Variants in JAKMIP2 observed in about 807,000 individuals in gnomAD.
The protein encoded by JAKMIP2 is janus kinase and microtubule-interacting protein 2.
In JAKMIP2, 25 loss-of-function variants were observed where a neutral mutation model predicts 115.0. The observed-to-expected ratio is 0.22, with a 90% confidence interval of 0.16 to 0.30. The LOEUF is 0.30. Ranked by LOEUF, JAKMIP2 falls within the 10% of genes least tolerant of loss-of-function variation. The pLI is 1.00. For synonymous variants in JAKMIP2, 334 were observed against 343.6 expected (o/e 0.97, Z 0.31); for missense variants, 642 against 957.6 (o/e 0.67, Z 4.35).
intron 1 of JAKMIP2, among the ~76,000 whole-genome samples, chr5:147,690,567 ATATATATATATATATAT>A (rs1751792513): frequency 2.8e-5 from 4 of 141,854 alleles, no homozygotes; most frequent in Non-Finnish European, 6.1e-5. Context: ...ATATATATAT[ATATATATATATATATAT>A]GCACATATGC....
chr5:147,645,097 C>T, intron 5 of JAKMIP2, 101 bp from the exon 6 acceptor site: 1 of 1,027,408 alleles, frequency 9.7e-7, no homozygotes, highest in South Asian at 1.5e-5. Context: ...ACAGCCTTGT[C>T]TCTGCTTCAC....
intron 5 of JAKMIP2, among the ~76,000 whole-genome samples, chr5:147,647,824 G>T (rs2065871628): frequency 6.6e-6 from 1 of 152,056 alleles, no homozygotes; most frequent in Non-Finnish European, 1.5e-5. Context: ...CCAGAAATGG[G>T]CATATTTTTT....
chr5:147,774,316 G>A (rs563216525), intron 1 of JAKMIP2, among the ~76,000 whole-genome samples: 1 of 152,164 alleles, frequency 6.6e-6, no homozygotes, highest in South Asian at 2.1e-4. Context: ...CCATAAGAAA[G>A]CAAGTTGAGG....
At chr5:147,607,680 T>A (rs1756098571) in intron 20 of JAKMIP2, among the ~76,000 whole-genome samples, 1 of 152,218 alleles carries the variant, frequency 6.6e-6, no homozygotes, top group Non-Finnish European at 1.5e-5. Context: ...AGAATGATGC[T>A]GGCCTCATAA....
intron 20 of JAKMIP2, among the ~76,000 whole-genome samples, chr5:147,611,346 G>A (rs539727052): frequency 1.3e-5 from 2 of 152,282 alleles, no homozygotes; most frequent in African/African-American, 4.8e-5. Context: ...TGGTCTGTGG[G>A]TTGTGAAGAC....
chr5:147,724,250 A>G (rs759459948), intron 1 of JAKMIP2, among the ~76,000 whole-genome samples: 1 of 152,204 alleles, frequency 6.6e-6, no homozygotes, highest in Non-Finnish European at 1.5e-5. Context: ...GTTTTCTTCT[A>G]CCATCTAAGG....
chr5:147,607,972 T>C (rs967869038), intron 20 of JAKMIP2, among the ~76,000 whole-genome samples: 3 of 152,304 alleles, frequency 2.0e-5, no homozygotes, highest in African/African-American at 7.2e-5. Flanking sequence ...GAGGTGTTTA[T>C]AGTATTCTCT....
intron 1 of JAKMIP2, among the ~76,000 whole-genome samples, chr5:147,781,314 C>T (rs536432347): frequency 6.6e-6 from 1 of 152,168 alleles, no homozygotes; most frequent in Non-Finnish European, 1.5e-5. Context: ...TTCCTGGATA[C>T]TGAAGGAATG....
At chr5:147,670,237 A>AT (rs554550588) in intron 2 of JAKMIP2, among the ~76,000 whole-genome samples, 21 of 152,356 alleles carry the variant, frequency 1.4e-4, no homozygotes, top group African/African-American at 5.0e-4. Context: ...TATTGTTAAA[A>AT]TGAAGAGAAA....
At chr5:147,623,230 T>A (rs1368039337) in intron 17 of JAKMIP2, among the ~76,000 whole-genome samples, 1 of 151,940 alleles carries the variant, frequency 6.6e-6, no homozygotes, top group Non-Finnish European at 1.5e-5. Flanking sequence ...TACTCTTTTT[T>A]TTTTTTTTTG....
intron 18 of JAKMIP2, 51 bp downstream of exon 18, chr5:147,620,615 C>T (rs370207356): frequency 6.5e-5 from 81 of 1,240,566 alleles, no homozygotes; most frequent in Non-Finnish European, 8.8e-5. Context: ...CTTAATTCCA[C>T]AGTGCATAAC....
chr5:147,677,842 T>C (rs1760053167), intron 1 of JAKMIP2, among the ~76,000 whole-genome samples: 1 of 152,222 alleles, frequency 6.6e-6, no homozygotes, highest in African/African-American at 2.4e-5. Context: ...ACTTAAAATC[T>C]ACTTTCCTAG....
chr5:147,730,670 G>A (rs1019679967), intron 1 of JAKMIP2, among the ~76,000 whole-genome samples: 2 of 152,040 alleles, frequency 1.3e-5, no homozygotes, highest in East Asian at 1.9e-4. Flanking sequence ...TGGCCAGGCT[G>A]GTCTTGAACT....
At chr5:147,631,975 AAAG>A (rs1396306451) in intron 13 of JAKMIP2, among the ~76,000 whole-genome samples, 1 of 152,178 alleles carries the variant, frequency 6.6e-6, no homozygotes, top group Non-Finnish European at 1.5e-5. Flanking sequence ...AAAATAGCCT[AAAG>A]AAGAACTAAC....
intron 20 of JAKMIP2, among the ~76,000 whole-genome samples, chr5:147,611,290 C>T (rs1165088389): frequency 6.6e-6 from 1 of 152,172 alleles, no homozygotes; most frequent in Admixed American, 6.5e-5. Flanking sequence ...TAGTTTTGTG[C>T]TTGAAACCCA....
intron 18 of JAKMIP2, among the ~76,000 whole-genome samples, chr5:147,620,342 T>C (rs1385994308): frequency 6.6e-6 from 1 of 152,210 alleles, no homozygotes; most frequent in Middle Eastern, 3.2e-3. Flanking sequence ...CTTGAATTCC[T>C]GGGCTCAAGG....
chr5:147,672,230 G>T (rs1759643418), intron 1 of JAKMIP2, among the ~76,000 whole-genome samples: 1 of 151,968 alleles, frequency 6.6e-6, no homozygotes. Flanking sequence ...ACCTGAAACT[G>T]CTCGCTCTTC....
intron 1 of JAKMIP2, among the ~76,000 whole-genome samples, chr5:147,756,512 CT>C (rs1352765052): frequency 3.3e-5 from 5 of 152,152 alleles, no homozygotes; most frequent in African/African-American, 1.2e-4. Flanking sequence ...ATTTATATTT[CT>C]TTTTGTTTGA....
intron 1 of JAKMIP2, among the ~76,000 whole-genome samples, chr5:147,754,177 G>A (rs12659905): frequency 0.11 from 16,967 of 152,154 alleles, 1,175 homozygotes; most frequent in Middle Eastern, 0.19. Flanking sequence ...AAATGCTATC[G>A]TTGGCTTATC....
Sources: allele counts gnomAD v4.1 joint callset (sites outside exome capture counted in the v4.1 genomes callset), GRCh38; gene constraint gnomAD v4.1.1; transcripts MANE v1.5; gene names NCBI Gene and HGNC (gene_info 2026-07-23, HGNC 2026-07-21).